The following ADCY1 variants were observed in gnomAD, a reference collection of about 807,000 sequenced individuals.
ADCY1 encodes the protein adenylate cyclase type 1.
Under a neutral mutation model 105.4 loss-of-function variants are expected in ADCY1, and 28 were observed. The ratio of observed to expected loss-of-function variants is 0.27; its 90% confidence interval spans 0.20 to 0.36. ADCY1 has a LOEUF of 0.36. Among genes scored for constraint, ADCY1 ranks in the 10% least tolerant of loss-of-function variants. The probability of loss-of-function intolerance (pLI) is 1.00; values close to 1 mark genes in which losing one functional copy is unlikely to be tolerated. For missense variants in ADCY1, 977 were observed against 1,434.2 expected (o/e 0.68, Z 5.15); for synonymous variants, 655 against 623.8 (o/e 1.05, Z -0.75).
At chr7:45,704,769 C>G (rs1356539192) in intron 17 of ADCY1, among the ~76,000 whole-genome samples, 153 bp downstream of exon 17, 2 of 152,134 alleles carry the variant, frequency 1.3e-5, no homozygotes, top group Non-Finnish European at 2.9e-5. Context: ...CCGTGGCTGG[C>G]TCTCTCCAGA....
At position 45,662,199 on chromosome 7, in the gene ADCY1, C is replaced by T. The variant is rs758571717; in HGVS notation, c.1590C>T (p.Cys530=). The change falls in exon 8 of 20, where the codon TGC becomes TGT. Residue 530 remains cysteine, a synonymous_variant. Coordinates refer to ENST00000297323, the MANE Select transcript of ADCY1 (RefSeq NM_021116.4). ...TCCCCTTCTCCAATGTCATGACCTG[C>T]GAGGACGATGACAAGGTAGGAGCAG... ...AEIPFSNVMT[C]EDDDKRRALR... The T allele has an allele frequency of 9.3e-6, 15 of 1,613,026 alleles. No homozygotes were observed. Among genetic ancestry groups the T allele is most frequent in the Admixed American group, 5.0e-5 (3 of 59,930 alleles).
In ADCY1 at chr7:45,650,395, C is replaced by T. The variant is rs140430632; in HGVS notation, c.1148+1598C>T. Among the ~76,000 whole-genome samples the T allele has an allele frequency of 5.3e-3, 812 of 152,134 alleles. 6 individuals carry two copies. The highest frequency in any genetic ancestry group is 0.018 in the African/African-American group (751 of 41,500). On this transcript the variant is annotated intron_variant, in intron 5 of 19. Coordinates refer to ENST00000297323, the MANE Select transcript of ADCY1 (RefSeq NM_021116.4). ...ATATAGATAATATATCATATCAGAT[C>T]TGGTTTTGTGTGATCTCCTTGGGGG... is the stretch of plus-strand genomic sequence containing the variant.
Position 45,582,777 on chromosome 7 carries a change from C to T in ADCY1, c.639+7595C>T, listed in dbSNP as rs143282694. The stretch of plus-strand genomic sequence containing the variant: ...GGGGGTCCCATCTGTCCTCCTACCC[C>T]ATGTGTGTTTCCCTCTGCCGTGCAG... On this transcript the variant is annotated intron_variant, in intron 1 of 19. Transcript: ENST00000297323. Among the ~76,000 whole-genome samples the T allele has an allele frequency of 3.1e-3, 465 of 152,302 alleles. 12 individuals carry two copies. The highest frequency in any genetic ancestry group is 6.2e-3 in the East Asian group (32 of 5,186).
intron 3 of ADCY1, among the ~76,000 whole-genome samples, chr7:45,621,628 G>A (rs1279544707): frequency 6.6e-6 from 1 of 152,142 alleles, no homozygotes; most frequent in East Asian, 1.9e-4. Context: ...AGTTCCCTTG[G>A]AGTCCAATTC....
intron 1 of ADCY1, among the ~76,000 whole-genome samples, chr7:45,586,068 T>C (rs918338959): frequency 8.5e-5 from 13 of 152,228 alleles, no homozygotes; most frequent in African/African-American, 2.9e-4. Flanking sequence ...TCTGTCTTCC[T>C]GACTTCCCTG....
At chr7:45,583,958 T>G (rs1303993242) in intron 1 of ADCY1, among the ~76,000 whole-genome samples, 3 of 147,434 alleles carry the variant, frequency 2.0e-5, no homozygotes, top group Non-Finnish European at 3.0e-5. Context: ...TTTTTTTTTT[T>G]TTTTTTTCAG....
In ADCY1 at chr7:45,708,427, C is replaced by A; in HGVS notation, c.2895C>A (p.Ile965=). 6.2e-7 allele frequency: 1 copy of A among 1,614,166 alleles called. No homozygotes were observed. Among genetic ancestry groups the A allele is most frequent in the Non-Finnish European group, 8.5e-7 (1 of 1,179,994 alleles). The change falls in exon 18 of 20, where the codon ATC becomes ATA. Residue 965 remains isoleucine (I), a synonymous_variant. Transcript: ENST00000297323. The surrounding 1 kb of genome is among the most constrained non-coding windows in gnomAD (Gnocchi z 4.7). ...AGATGTTTGACGTTCTGGATGAAAT[C>A]AACTACCAGTCTTACAACGACTTTG... ...AIEMFDVLDE[I]NYQSYNDFVL...
intron 2 of ADCY1, among the ~76,000 whole-genome samples, chr7:45,609,806 A>G (rs936472674): frequency 8.5e-5 from 13 of 152,202 alleles, no homozygotes; most frequent in African/African-American, 2.7e-4. Flanking sequence ...ACTCTCCAGG[A>G]TGGCATAGTT....
chr7:45,590,693 G>T (rs956233370), intron 1 of ADCY1, among the ~76,000 whole-genome samples: 1 of 152,070 alleles, frequency 6.6e-6, no homozygotes, highest in Non-Finnish European at 1.5e-5. Context: ...GAGATCTTCA[G>T]GGTCATAGTG....
At chr7:45,583,383 C>T (rs1410669353) in intron 1 of ADCY1, among the ~76,000 whole-genome samples, 1 of 152,220 alleles carries the variant, frequency 6.6e-6, no homozygotes, top group Non-Finnish European at 1.5e-5. Flanking sequence ...CCCTGCACTA[C>T]AGCCTCTGAG....
At chr7:45,651,002 C>T (rs1012479469) in intron 5 of ADCY1, among the ~76,000 whole-genome samples, 3 of 152,138 alleles carry the variant, frequency 2.0e-5, no homozygotes, top group Non-Finnish European at 4.4e-5. Context: ...TGAGATTCTC[C>T]AGGATTTGGT....
At chr7:45,688,071 G>A (rs1198730475) in intron 14 of ADCY1, among the ~76,000 whole-genome samples, 1 of 152,206 alleles carries the variant, frequency 6.6e-6, no homozygotes, top group Admixed American at 6.5e-5. Context: ...TTGTTCCTGA[G>A]GCTGACTGGG....
chr7:45,643,340 G>GA (rs1794575656), intron 4 of ADCY1, among the ~76,000 whole-genome samples: 1 of 150,840 alleles, frequency 6.6e-6, no homozygotes, highest in African/African-American at 2.4e-5. Context: ...TCACTCCTTG[G>GA]ATTTTTATAT....
In ADCY1 at chr7:45,661,033, CAG is replaced by C. The variant is rs528479689; in HGVS notation, c.1449+851_1449+852del. Among the ~76,000 whole-genome samples, 22 of 151,772 alleles carry C rather than the reference CAG, an allele frequency of 1.4e-4. No homozygotes were observed. The East Asian group carries it at 3.1e-3, about 21-fold the overall frequency. On this transcript the variant is annotated intron_variant, in intron 7 of 19. Coordinates refer to ENST00000297323, the MANE Select transcript of ADCY1 (RefSeq NM_021116.4). ...AGGGCTCAGGTGAGGGGTTCAGGCT[CAG>C]GGGAGGGTCGATGCCTCAGGTGAGG... is the stretch of plus-strand genomic sequence containing the variant.
intron 6 of ADCY1, 34 bp downstream of exon 6, chr7:45,657,919 G>GGGGGGGGGT: frequency 6.8e-7 from 1 of 1,470,500 alleles, no homozygotes; most frequent in Non-Finnish European, 9.3e-7. Flanking sequence ...GGGGAGGGAG[G>GGGGGGGGGT]TGGGTGATGG....
intron 4 of ADCY1, among the ~76,000 whole-genome samples, chr7:45,638,305 T>G (rs1054173289): frequency 2.0e-5 from 3 of 152,214 alleles, no homozygotes; most frequent in African/African-American, 7.2e-5. Flanking sequence ...TCCTTTCTAT[T>G]TCATTTGGAT....
intron 2 of ADCY1, among the ~76,000 whole-genome samples, chr7:45,597,997 C>T (rs1724185843): frequency 6.6e-6 from 1 of 152,182 alleles, no homozygotes; most frequent in Non-Finnish European, 1.5e-5. Context: ...AAAGGGTCAC[C>T]CTGGGCCCCT....
At chr7:45,663,960 G>A (rs943974359) in intron 8 of ADCY1, among the ~76,000 whole-genome samples, 6 of 152,298 alleles carry the variant, frequency 3.9e-5, no homozygotes, top group African/African-American at 1.4e-4. Flanking sequence ...GTTAGACTCA[G>A]CTCCTAACAG....
intron 4 of ADCY1, among the ~76,000 whole-genome samples, chr7:45,644,575 G>C (rs1260678786): frequency 6.6e-6 from 1 of 152,172 alleles, no homozygotes; most frequent in African/African-American, 2.4e-5. Flanking sequence ...TCACCTGCCT[G>C]TAGTCCTGTC....
Sources: allele counts gnomAD v4.1 joint callset (sites outside exome capture counted in the v4.1 genomes callset), GRCh38; gene constraint gnomAD v4.1.1; non-coding constraint Gnocchi (gnomAD v3.1); transcripts MANE v1.5; gene names NCBI Gene and HGNC (gene_info 2026-07-23, HGNC 2026-07-21).